FSTL5: variants seen among roughly 807,000 people sequenced by gnomAD.
The protein encoded by FSTL5 is follistatin-related protein 5.
A neutral mutation model predicts 89.1 loss-of-function variants in FSTL5; 62 were observed. The observed-to-expected ratio is 0.70, with a 90% CI of 0.57 to 0.86. The LOEUF is 0.86. FSTL5 is among the 40% of genes least tolerant of loss of function. The probability of loss-of-function intolerance (pLI) is 0.00; values close to 1 mark genes in which losing one functional copy is unlikely to be tolerated. For synonymous variants in FSTL5, 383 were observed against 346.2 expected, an observed-to-expected ratio of 1.11 and a Z score of -1.18; for missense variants, 1,057 against 1,001.6, an observed-to-expected ratio of 1.06 and a Z score of -0.75.
chr4:161,679,430 A>G (rs1404210803), intron 6 of FSTL5, among the ~76,000 whole-genome samples: 1 of 151,798 alleles, frequency 6.6e-6, no homozygotes, highest in Non-Finnish European at 1.5e-5. Context: ...AAAAAAAAGT[A>G]TGTAACTTAC....
At position 161,723,470 on chromosome 4, in the gene FSTL5, C is replaced by T. The variant is rs947181902; in HGVS notation, c.727+35941G>A. Among the ~76,000 whole-genome samples, 6 of 152,184 alleles carry T rather than the reference C, an allele frequency of 3.9e-5. No homozygotes were observed. In the East Asian group the frequency reaches 1.2e-3, roughly 29 times the overall value. On this transcript the variant is annotated intron_variant, in intron 6 of 15. Transcript: ENST00000306100. ...GAACAGAATATTAGGCAGGGCACAA[C>T]GTCTTCAGGGCAACCTGAATATTTA... is the stretch of plus-strand genomic sequence containing the variant.
At chr4:161,904,124 T>A (rs1733453884) in intron 4 of FSTL5, among the ~76,000 whole-genome samples, 3 of 152,090 alleles carry the variant, frequency 2.0e-5, no homozygotes, top group African/African-American at 7.2e-5. Context: ...AAGAATAGTT[T>A]TTCTCAGTTT....
intron 3 of FSTL5, among the ~76,000 whole-genome samples, chr4:162,030,002 G>T (rs1737457838): frequency 6.6e-6 from 1 of 151,448 alleles, no homozygotes; most frequent in African/African-American, 2.4e-5. Flanking sequence ...AACTCCTTCT[G>T]GCTTCAAGCT....
At chr4:161,982,163 TAAC>T (rs998117443) in intron 3 of FSTL5, among the ~76,000 whole-genome samples, 2 of 152,134 alleles carry the variant, frequency 1.3e-5, no homozygotes, top group African/African-American at 4.8e-5. Flanking sequence ...GCTTCATAAA[TAAC>T]AACAGAAATA....
chr4:161,559,088 T>C (rs1231852180), intron 8 of FSTL5, among the ~76,000 whole-genome samples: 1 of 151,892 alleles, frequency 6.6e-6, no homozygotes, highest in Non-Finnish European at 1.5e-5. Flanking sequence ...TAAAATCCTT[T>C]ACTGCATTCT....
intron 6 of FSTL5, among the ~76,000 whole-genome samples, chr4:161,733,887 A>G (rs1453681818): frequency 6.6e-6 from 1 of 151,964 alleles, no homozygotes; most frequent in Non-Finnish European, 1.5e-5. Flanking sequence ...TCTAGACTAA[A>G]CCTTATATTT....
chr4:162,024,173 A>G (rs978643818), intron 3 of FSTL5, among the ~76,000 whole-genome samples: 6 of 152,298 alleles, frequency 3.9e-5, no homozygotes, highest in Middle Eastern at 3.4e-3. Flanking sequence ...ACACTTCTAA[A>G]GCAATACTGG....
At chr4:161,390,841 T>A (rs186123664) in intron 15 of FSTL5, among the ~76,000 whole-genome samples, 296 of 152,250 alleles carry the variant, frequency 1.9e-3, no homozygotes, top group African/African-American at 7.0e-3. Flanking sequence ...GAACTTCTCA[T>A]CTCAACAGTT....
chr4:161,651,538 G>A (rs1736343656), intron 7 of FSTL5, among the ~76,000 whole-genome samples: 1 of 152,006 alleles, frequency 6.6e-6, no homozygotes, highest in Non-Finnish European at 1.5e-5. Flanking sequence ...AAAGGGGAAG[G>A]GAGGGGAAGA....
intron 7 of FSTL5, among the ~76,000 whole-genome samples, chr4:161,588,631 A>T (rs1733701538): frequency 2.0e-5 from 3 of 152,166 alleles, no homozygotes; most frequent in African/African-American, 7.2e-5. Context: ...TTTTTTTCAG[A>T]ATTCTGGAAA....
chr4:161,604,630 G>T (rs1257569996), intron 7 of FSTL5, among the ~76,000 whole-genome samples: 1 of 152,128 alleles, frequency 6.6e-6, no homozygotes, highest in Non-Finnish European at 1.5e-5. Flanking sequence ...AGTCACTGGG[G>T]TTACAAAACC....
At chr4:162,130,253 G>A (rs886223882) in intron 1 of FSTL5, among the ~76,000 whole-genome samples, 4 of 152,132 alleles carry the variant, frequency 2.6e-5, no homozygotes, top group African/African-American at 9.7e-5. Flanking sequence ...TAAACCCGTA[G>A]GTTTAGTAAT....
At position 161,491,711 on chromosome 4, in the gene FSTL5, C is replaced by T. The variant is rs1055114735; in HGVS notation, c.1458+8305G>A. 6.6e-5 allele frequency among the ~76,000 whole-genome samples: 10 copies of T among 152,042 alleles called. No individual in the cohort carries two copies. In the East Asian group the frequency reaches 9.7e-4, roughly 15 times the overall value. On this transcript the variant is annotated intron_variant, in intron 12 of 15. Coordinates refer to ENST00000306100, the MANE Select transcript of FSTL5 (RefSeq NM_020116.5). ...CAAAAATTAGCTGGGCGTGGTGGCACGCCCTTGTAATCCCAGCTACTGCAG... is the reference window on the plus strand; with the variant it reads ...CAAAAATTAGCTGGGCGTGGTGGCATGCCCTTGTAATCCCAGCTACTGCAG...
intron 1 of FSTL5, among the ~76,000 whole-genome samples, chr4:162,152,532 A>T (rs570121886): frequency 6.6e-6 from 1 of 152,200 alleles, no homozygotes; most frequent in South Asian, 2.1e-4. Flanking sequence ...ATGATGTCAC[A>T]CTATTTGAAT....
At chr4:161,688,002 C>A (rs1737802964) in intron 6 of FSTL5, among the ~76,000 whole-genome samples, 1 of 152,184 alleles carries the variant, frequency 6.6e-6, no homozygotes. Context: ...GAGGCTGGCA[C>A]CTTGATCTTT....
intron 10 of FSTL5, among the ~76,000 whole-genome samples, chr4:161,537,793 T>A (rs1221643882): frequency 1.3e-5 from 2 of 152,130 alleles, no homozygotes; most frequent in African/African-American, 4.8e-5. Context: ...ACAAATATAG[T>A]AATTTATTCT....
intron 10 of FSTL5, among the ~76,000 whole-genome samples, chr4:161,521,981 A>G (rs1436321353): frequency 1.3e-5 from 2 of 152,018 alleles, no homozygotes; most frequent in Non-Finnish European, 1.5e-5. Context: ...TCACTAACTC[A>G]AATTGTTACA....
At chr4:161,985,302 A>C (rs995189068) in intron 3 of FSTL5, among the ~76,000 whole-genome samples, 12 of 152,174 alleles carry the variant, frequency 7.9e-5, no homozygotes, top group African/African-American at 2.9e-4. Flanking sequence ...ATTCTTCATG[A>C]AACTTCATAA....
At chr4:161,462,381 A>G (rs1047513477) in intron 13 of FSTL5, among the ~76,000 whole-genome samples, 1 of 152,218 alleles carries the variant, frequency 6.6e-6, no homozygotes, top group African/African-American at 2.4e-5. Flanking sequence ...AAGAAAACCA[A>G]CGGGCTCAAA....
Sources: gnomAD v4.1 joint callset for allele counts (sites outside exome capture counted in the v4.1 genomes callset) on GRCh38, gnomAD v4.1.1 for gene constraint, MANE v1.5 for transcripts, NCBI Gene and HGNC (gene_info 2026-07-23, HGNC 2026-07-21) for gene names.